SLC28A2: variants seen among roughly 807,000 people sequenced by gnomAD.
SLC28A2 encodes the protein sodium/nucleoside cotransporter 2.
A neutral mutation model predicts 72.9 loss-of-function variants in SLC28A2; 69 were observed. The ratio of observed to expected loss-of-function variants is 0.95; its 90% CI spans 0.78 to 1.16. SLC28A2 has a LOEUF of 1.16. SLC28A2 is among the 50% of genes most tolerant of loss of function. The pLI is 0.00. For synonymous variants in SLC28A2, 296 were observed against 294.1 expected, an observed-to-expected ratio of 1.01 and a Z score of -0.07; for missense variants, 745 against 791.1, an observed-to-expected ratio of 0.94 and a Z score of 0.70.
Position 45,253,442 on chromosome 15 carries a change from T to C in SLC28A2, c.92T>C (p.Val31Ala), listed in dbSNP as rs1899869466. The change falls in exon 3 of 18, where the codon GTA becomes GCA. Residue 31 changes from valine to alanine, a missense_variant. Coordinates refer to ENST00000347644, the MANE Select transcript of SLC28A2 (RefSeq NM_004212.4). Reference sequence around the variant, plus strand: ...TCTCTGTGCTTGTAGGAAAAAGAAGTAGAGCCTGAGGGAAGCAAGAGGACT... The same window carrying C: ...TCTCTGTGCTTGTAGGAAAAAGAAGCAGAGCCTGAGGGAAGCAAGAGGACT... ...NPGLELMEKE[V>A]EPEGSKRTDA... 1 of 1,613,388 alleles carries C rather than the reference T, an allele frequency of 6.2e-7. No homozygotes were observed. Among genetic ancestry groups the C allele is most frequent in the Non-Finnish European group, 8.5e-7 (1 of 1,179,438 alleles).
rs775930236 is a variant in SLC28A2, at chr15:45,264,046, G to A, written c.588+24G>A. On this transcript the variant is annotated intron_variant, in intron 6 of 17. Transcript: ENST00000347644. ...CAGTGAGTTTTGGGTATTTGGGTTG[G>A]GTATAGCAACACATGGCCAAGGGCC... 6.9e-6 allele frequency: 11 copies of A among 1,594,252 alleles called. No homozygotes were observed. In the South Asian group the frequency reaches 1.3e-4, roughly 18 times the overall value.
At chr15:45,269,706 G>A (rs16941238) in intron 14 of SLC28A2, among the ~76,000 whole-genome samples, 171 bp downstream of exon 14, 23,799 of 152,008 alleles carry the variant, frequency 0.16, 2,309 homozygotes, top group African/African-American at 0.28. Context: ...CATCTGCAGC[G>A]CCTGAGCTAT....
chr15:45,261,251 T>C (rs886635522), intron 3 of SLC28A2, among the ~76,000 whole-genome samples: 5 of 152,224 alleles, frequency 3.3e-5, no homozygotes, highest in African/African-American at 7.2e-5. Context: ...AGATGTGGCA[T>C]AGAATGATGG....
At position 45,276,269 on chromosome 15, in the gene SLC28A2, G is replaced by A. The variant is rs1453921816; in HGVS notation, c.*756G>A. On this transcript the variant is annotated 3_prime_UTR_variant, in exon 18 of 18. Coordinates refer to ENST00000347644, the MANE Select transcript of SLC28A2 (RefSeq NM_004212.4). Reference sequence around the variant, plus strand: ...ACCACATGTTCTCACTCATAGATGGGAATTGAACAATGAGAACACATGGAC... The same window carrying A: ...ACCACATGTTCTCACTCATAGATGGAAATTGAACAATGAGAACACATGGAC... 1 of 151,940 alleles carries A rather than the reference G, an allele frequency of 6.6e-6. No homozygotes were observed. Among genetic ancestry groups the A allele is most frequent in the Non-Finnish European group, 1.5e-5 (1 of 68,016 alleles). The allele number at this position is 151,940 out of a possible 1,614,324, so 9.4% of individuals were successfully genotyped here.
At position 45,268,279 on chromosome 15, in the gene SLC28A2, A is replaced by G. The variant is rs1448275971; in HGVS notation, c.1269A>G (p.Val423=). 6.2e-7 allele frequency: 1 copy of G among 1,612,834 alleles called. No individual in the cohort carries two copies. Among genetic ancestry groups the G allele is most frequent in the South Asian group, 1.1e-5 (1 of 91,048 alleles). ...ATGCCATAGGCCTTGCTACTAATGT[A>G]GCAGCCAACCTGATTGCCTTTTTGG... ...AVDAIGLATN[V]AANLIAFLAV... is the part of the protein sequence containing the mutation. Residue 423 remains valine, a synonymous_variant, in exon 13 of 18, where the codon GTA becomes GTG. Coordinates refer to ENST00000347644, the MANE Select transcript of SLC28A2 (RefSeq NM_004212.4).
At chr15:45,270,855 C>T (rs927489818) in intron 15 of SLC28A2, among the ~76,000 whole-genome samples, 13 of 152,146 alleles carry the variant, frequency 8.5e-5, no homozygotes, top group Middle Eastern at 3.4e-3. Flanking sequence ...CCAAGCTGGT[C>T]TTGAATTCCT....
chr15:45,263,296 C>CT (rs781625272), intron 5 of SLC28A2, 52 bp downstream of exon 5: 2 of 1,551,216 alleles, frequency 1.3e-6, no homozygotes, highest in Non-Finnish European at 1.8e-6. Flanking sequence ...AGCCCACCTC[C>CT]TTTTTTCTCT....
intron 15 of SLC28A2, 132 bp from the exon 16 acceptor site, chr15:45,272,163 G>A: frequency 3.0e-6 from 2 of 671,818 alleles, no homozygotes; most frequent in South Asian, 3.6e-5. Context: ...CCAGTCTCAG[G>A]TGGATGGTAA....
chr15:45,266,135 G>T lies in SLC28A2; in HGVS notation c.916G>T (p.Val306Leu). The change falls in exon 10 of 18, where the codon GTG becomes TTG. Residue 306 changes from valine to leucine, a missense_variant. By Grantham distance (32) the Val-to-Leu change is conservative (BLOSUM62 1). Coordinates refer to ENST00000347644, the MANE Select transcript of SLC28A2 (RefSeq NM_004212.4). ...MGTTATETLA[V>L]AGNIFVGMTE... is the part of the protein sequence containing the mutation. ...CACCACTGCTACAGAGACCCTGGCTGTGGCAGGAAACATCTTTGTGGGTAT... is the reference window on the plus strand; with the variant it reads ...CACCACTGCTACAGAGACCCTGGCTTTGGCAGGAAACATCTTTGTGGGTAT... 6.2e-7 allele frequency: 1 copy of T among 1,613,730 alleles called. No individual in the cohort carries two copies. The highest frequency in any genetic ancestry group is 8.5e-7 in the Non-Finnish European group (1 of 1,179,626).
At chr15:45,261,261 G>A (rs1169631954) in intron 3 of SLC28A2, among the ~76,000 whole-genome samples, 3 of 152,188 alleles carry the variant, frequency 2.0e-5, no homozygotes, top group Non-Finnish European at 2.9e-5. Context: ...TAGAATGATG[G>A]TTAAGAGCTC....
chr15:45,260,115 G>C (rs1009307313), intron 3 of SLC28A2, among the ~76,000 whole-genome samples: 2 of 152,208 alleles, frequency 1.3e-5, no homozygotes, highest in Admixed American at 1.3e-4. Flanking sequence ...GATAATGCAA[G>C]AAGCAAAAGT....
Position 45,275,470 on chromosome 15 carries a change from T to C in SLC28A2, c.1934T>C (p.Leu645Pro), listed in dbSNP as rs770246907. ...WEDKEFSAMA[L>P]TNCCGFYNNT... ...GATAAGGAGTTCAGTGCTATGGCCC[T>C]TACTAACTGCTGTGGATTCTACAAC... The change falls in exon 18 of 18, where the codon CTT (leucine) becomes CCT (proline). Residue 645 changes from leucine (L) to proline (P), a missense_variant. Leu to Pro is a moderately conservative substitution (Grantham distance 98). Coordinates refer to ENST00000347644, the MANE Select transcript of SLC28A2 (RefSeq NM_004212.4). The C allele has an allele frequency of 1.2e-6, 2 of 1,612,598 alleles. No individual in the cohort carries two copies. The highest frequency in any genetic ancestry group is 3.3e-5 in the Admixed American group (2 of 60,018).
chr15:45,254,781 G>C (rs1899921117), intron 3 of SLC28A2, among the ~76,000 whole-genome samples: 1 of 152,056 alleles, frequency 6.6e-6, no homozygotes, highest in South Asian at 2.1e-4. Flanking sequence ...TTCACAATTT[G>C]CTTCTCTCTA....
At chr15:45,255,483 G>A (rs1899949626) in intron 3 of SLC28A2, 1 of 152,134 alleles carries the variant, frequency 6.6e-6, no homozygotes. Flanking sequence ...CTAAACAAAT[G>A]AGCATGGCTG....
At chr15:45,264,840 G>A in intron 7 of SLC28A2, 72 bp downstream of exon 7, 1 of 957,332 alleles carries the variant, frequency 1.0e-6, no homozygotes. Flanking sequence ...AGGAGCATGA[G>A]AAGATTAGGC....
intron 15 of SLC28A2, among the ~76,000 whole-genome samples, chr15:45,270,699 C>T (rs1488672861): frequency 1.3e-5 from 2 of 152,040 alleles, no homozygotes; most frequent in African/African-American, 4.8e-5. Flanking sequence ...GTGATCTCAG[C>T]TCACTTAAAC....
At position 45,258,588 on chromosome 15, in the gene SLC28A2, T is replaced by A. The variant is rs191828500; in HGVS notation, c.171-3427T>A. Reference sequence around the variant, plus strand: ...TATATGGGAAGTCTAATTTATACTTTAAATGAAAATATACCATATATATAC... The same window carrying A: ...TATATGGGAAGTCTAATTTATACTTAAAATGAAAATATACCATATATATAC... On this transcript the variant is annotated intron_variant, in intron 3 of 17. Coordinates refer to ENST00000347644, the MANE Select transcript of SLC28A2 (RefSeq NM_004212.4). Among the ~76,000 whole-genome samples the A allele has an allele frequency of 9.8e-4, 150 of 152,330 alleles. 1 individual carries two copies. Among genetic ancestry groups the A allele is most frequent in the African/African-American group, 3.5e-3 (144 of 41,584 alleles).
At chr15:45,270,770 G>T (rs1900528229) in intron 15 of SLC28A2, among the ~76,000 whole-genome samples, 1 of 152,002 alleles carries the variant, frequency 6.6e-6, no homozygotes, top group Non-Finnish European at 1.5e-5. Context: ...GATTACAAGT[G>T]TGTGCCACTA....
intron 4 of SLC28A2, 40 bp downstream of exon 4, chr15:45,262,146 AT>A: frequency 7.0e-7 from 1 of 1,426,138 alleles, no homozygotes; most frequent in Non-Finnish European, 9.9e-7. Flanking sequence ...AAACACAGTT[AT>A]TTTAGAAATT....
Sources: allele counts gnomAD v4.1 joint callset (sites outside exome capture counted in the v4.1 genomes callset), GRCh38; gene constraint gnomAD v4.1.1; transcripts MANE v1.5; gene names NCBI Gene and HGNC (gene_info 2026-07-23, HGNC 2026-07-21).